AK9: variants seen among roughly 807,000 people sequenced by gnomAD.
The protein encoded by AK9 is adenylate kinase 9.
A neutral mutation model predicts 239.6 loss-of-function variants in AK9; 191 were observed. The ratio of observed to expected loss-of-function variants is 0.80; its 90% CI spans 0.71 to 0.90. The LOEUF (loss-of-function observed/expected upper bound fraction) is 0.90. Ranked by LOEUF, AK9 falls within the 40% of genes least tolerant of loss-of-function variation. The pLI, the probability that AK9 is intolerant of heterozygous loss-of-function variation, is 0.00. For synonymous variants in AK9, 689 were observed against 721.0 expected, an observed-to-expected ratio of 0.96 and a Z score of 0.71; for missense variants, 1,995 against 2,214.7, an observed-to-expected ratio of 0.90 and a Z score of 1.99.
intron 32 of AK9, among the ~76,000 whole-genome samples, chr6:109,509,671 T>C (rs1206433436): frequency 6.6e-6 from 1 of 152,118 alleles, no homozygotes; most frequent in African/African-American, 2.4e-5. Context: ...AGCCTCCCTG[T>C]GCTCTTGGAG....
chr6:109,671,791 G>T, intron 5 of AK9, 128 bp downstream of exon 5: 2 of 711,046 alleles, frequency 2.8e-6, no homozygotes, highest in South Asian at 1.9e-5. Context: ...CTGTTCAACT[G>T]AATAGAGATA....
At chr6:109,646,580 G>A (rs1222799273) in intron 8 of AK9, among the ~76,000 whole-genome samples, 1 of 152,166 alleles carries the variant, frequency 6.6e-6, no homozygotes, top group Non-Finnish European at 1.5e-5. Flanking sequence ...CAAGAAATAT[G>A]GGACTATGTG....
At chr6:109,569,344 C>T (rs1485251752) in intron 21 of AK9, among the ~76,000 whole-genome samples, 2 of 152,160 alleles carry the variant, frequency 1.3e-5, no homozygotes, top group Non-Finnish European at 2.9e-5. Flanking sequence ...CAAACCTAGG[C>T]AATACCATTC....
intron 19 of AK9, among the ~76,000 whole-genome samples, chr6:109,582,803 G>A (rs1441118825): frequency 6.6e-6 from 1 of 152,036 alleles, no homozygotes; most frequent in Non-Finnish European, 1.5e-5. Context: ...AAATATTTTG[G>A]GAAAGAAAGA....
At chr6:109,669,897 T>C (rs951576999) in intron 5 of AK9, among the ~76,000 whole-genome samples, 1 of 152,150 alleles carries the variant, frequency 6.6e-6, no homozygotes, top group Non-Finnish European at 1.5e-5. Flanking sequence ...ATGAGCTCGT[T>C]TGTGCATGCC....
intron 21 of AK9, among the ~76,000 whole-genome samples, chr6:109,566,243 G>A (rs9374104): frequency 6.6e-6 from 1 of 151,932 alleles, no homozygotes; most frequent in African/African-American, 2.4e-5. Context: ...CACGTGTGTG[G>A]GAGTCAGGGT....
chr6:109,561,136 T>C (rs896769555), intron 24 of AK9, among the ~76,000 whole-genome samples: 7 of 152,198 alleles, frequency 4.6e-5, no homozygotes, highest in Non-Finnish European at 8.8e-5. Flanking sequence ...GTATTTTTAG[T>C]AGAGACGGGG....
At chr6:109,608,960 GTTC>G (rs1793257721) in intron 17 of AK9, among the ~76,000 whole-genome samples, 1 of 152,124 alleles carries the variant, frequency 6.6e-6, no homozygotes, top group Non-Finnish European at 1.5e-5. Flanking sequence ...ATGAAAAATA[GTTC>G]TTCTAATCAT....
intron 26 of AK9, among the ~76,000 whole-genome samples, chr6:109,543,085 A>G (rs1355005632): frequency 2.0e-5 from 3 of 152,200 alleles, no homozygotes; most frequent in Admixed American, 1.3e-4. Flanking sequence ...TACAAACTAG[A>G]AGAGGATTAT....
chr6:109,593,224 T>C (rs1268381548), intron 17 of AK9, among the ~76,000 whole-genome samples: 9 of 152,138 alleles, frequency 5.9e-5, no homozygotes, highest in Admixed American at 5.9e-4. Flanking sequence ...ATCTATCTCA[T>C]CTTTCATATC....
At chr6:109,601,539 G>C (rs1397675263) in intron 17 of AK9, among the ~76,000 whole-genome samples, 1 of 152,194 alleles carries the variant, frequency 6.6e-6, no homozygotes, top group Non-Finnish European at 1.5e-5. Flanking sequence ...GTAGTGCTGA[G>C]AAGATTGTAT....
In AK9 at chr6:109,500,972, A is replaced by C. The variant is rs191264225; in HGVS notation, c.4850-1732T>G. On this transcript the variant is annotated intron_variant, in intron 35 of 40. Transcript: ENST00000424296. ...GGTGGAGGCTGCAGTAAGCCACTGC[A>C]CTCCAGGCTGGGCAACAGAGTGAGA... Among the ~76,000 whole-genome samples the C allele has an allele frequency of 3.3e-5, 5 of 151,346 alleles. No individual in the cohort carries two copies. In the Admixed American group the frequency reaches 3.3e-4, roughly 10 times the overall value.
intron 25 of AK9, among the ~76,000 whole-genome samples, chr6:109,547,159 C>T (rs1456990660): frequency 6.6e-6 from 1 of 152,120 alleles, no homozygotes; most frequent in Non-Finnish European, 1.5e-5. Context: ...TGTGAGGGCA[C>T]AACCATCCAC....
At chr6:109,576,503 C>A (rs1215085152) in intron 20 of AK9, among the ~76,000 whole-genome samples, 1 of 142,556 alleles carries the variant, frequency 7.0e-6, no homozygotes, top group East Asian at 2.2e-4. Flanking sequence ...TGTTACATAG[C>A]AGTGCTACTA....
chr6:109,660,337 A>C (rs1168371361), intron 6 of AK9, among the ~76,000 whole-genome samples: 4 of 152,196 alleles, frequency 2.6e-5, no homozygotes, highest in African/African-American at 9.6e-5. Flanking sequence ...GGAGCTTGTT[A>C]AATCAATTGC....
chr6:109,539,355 A>C (rs1471275271), intron 27 of AK9, among the ~76,000 whole-genome samples: 3 of 151,968 alleles, frequency 2.0e-5, no homozygotes, highest in African/African-American at 7.3e-5. Flanking sequence ...CATTCATTTG[A>C]TCTTCAATCA....
At chr6:109,653,286 G>A (rs1183657037) in intron 8 of AK9, among the ~76,000 whole-genome samples, 1 of 152,084 alleles carries the variant, frequency 6.6e-6, no homozygotes, top group African/African-American at 2.4e-5. Context: ...AAAGGTGGTG[G>A]CAATTCAAAG....
intron 24 of AK9, among the ~76,000 whole-genome samples, chr6:109,556,121 G>A (rs932898322): frequency 6.6e-6 from 1 of 152,034 alleles, no homozygotes; most frequent in African/African-American, 2.4e-5. Context: ...TTTATATTTT[G>A]GTGTATTTTT....
At chr6:109,674,825 A>T (rs1436500555) in intron 2 of AK9, among the ~76,000 whole-genome samples, 1 of 152,212 alleles carries the variant, frequency 6.6e-6, no homozygotes, top group Non-Finnish European at 1.5e-5. Flanking sequence ...TGTTGAAACC[A>T]TTTATTGGTA....
Sources: gnomAD v4.1 joint callset for allele counts (sites outside exome capture counted in the v4.1 genomes callset) on GRCh38, gnomAD v4.1.1 for gene constraint, MANE v1.5 for transcripts, NCBI Gene and HGNC (gene_info 2026-07-23, HGNC 2026-07-21) for gene names.